CNTNAP2: variants seen among roughly 807,000 people sequenced by gnomAD.
The protein encoded by CNTNAP2 is contactin associated protein 2.
CNTNAP2 carries 98 observed loss-of-function variants against 155.2 expected under a neutral mutation model. That is an observed-to-expected ratio of 0.63 (90% CI 0.54 to 0.75). The LOEUF (loss-of-function observed/expected upper bound fraction) is 0.75. Ranked by LOEUF, CNTNAP2 falls within the 30% of genes least tolerant of loss-of-function variation. The probability of loss-of-function intolerance (pLI) is 0.00; values close to 1 mark genes in which losing one functional copy is unlikely to be tolerated. For synonymous variants in CNTNAP2, 651 were observed against 631.2 expected, an observed-to-expected ratio of 1.03 and a Z score of -0.47; for missense variants, 1,727 against 1,688.1, an observed-to-expected ratio of 1.02 and a Z score of -0.40.
intron 1 of CNTNAP2, among the ~76,000 whole-genome samples, chr7:146,183,410 C>G (rs1441703033): frequency 6.6e-6 from 1 of 151,926 alleles, no homozygotes; most frequent in Admixed American, 6.6e-5. Flanking sequence ...CCAGCATTTT[C>G]CCCCTGGTTT....
At position 147,128,855 on chromosome 7, in the gene CNTNAP2, A is replaced by C; in HGVS notation, c.1083+19A>C. On this transcript the variant is annotated intron_variant, in intron 7 of 23. Transcript: ENST00000361727. ...AAATGTGGTAAGGATTTTCACCCGC[A>C]AAATATTGGTCTATAAAATATCAAG... 6.2e-7 allele frequency: 1 copy of C among 1,613,860 alleles called. No homozygotes were observed. The highest frequency in any genetic ancestry group is 8.5e-7 in the Non-Finnish European group (1 of 1,179,776).
Position 147,132,327 on chromosome 7 carries a change from G to C in CNTNAP2, c.1166G>C (p.Arg389Pro). 6.2e-7 allele frequency: 1 copy of C among 1,613,616 alleles called. No homozygotes were observed. Among genetic ancestry groups the C allele is most frequent in the South Asian group, 1.1e-5 (1 of 91,060 alleles). ...ACAAGTTACCTGGAGGTGCCCGGAC[G>C]GCTTAACCAGGACCTGTTCTCAGTC... Reference protein sequence around the residue: ...NATSYLEVPGRLNQDLFSVSF... With the variant: ...NATSYLEVPGPLNQDLFSVSF... The change falls in exon 8 of 24, where the codon CGG becomes CCG. Residue 389 changes from arginine to proline, a missense_variant. Arg to Pro is a moderately radical substitution (Grantham distance 103, BLOSUM62 -2). Coordinates refer to ENST00000361727, the MANE Select transcript of CNTNAP2 (RefSeq NM_014141.6).
intron 3 of CNTNAP2, among the ~76,000 whole-genome samples, chr7:146,938,463 A>G (rs1328830599): frequency 1.3e-5 from 2 of 150,184 alleles, no homozygotes; most frequent in Admixed American, 6.7e-5. Context: ...ACACATATAT[A>G]TGTATATATA....
intron 3 of CNTNAP2, among the ~76,000 whole-genome samples, chr7:146,928,647 G>A (rs1035231567): frequency 4.6e-5 from 7 of 152,218 alleles, no homozygotes; most frequent in Non-Finnish European, 1.0e-4. Flanking sequence ...GCCTCACTCG[G>A]GAAGCACAAG....
chr7:148,206,383 T>G (rs1362151274), intron 18 of CNTNAP2, among the ~76,000 whole-genome samples: 1 of 151,520 alleles, frequency 6.6e-6, no homozygotes, highest in Non-Finnish European at 1.5e-5. Context: ...ACAAATATAG[T>G]GAAATGTTAA....
intron 15 of CNTNAP2, among the ~76,000 whole-genome samples, chr7:148,116,816 T>C (rs1467101126): frequency 6.6e-6 from 1 of 152,246 alleles, no homozygotes; most frequent in Non-Finnish European, 1.5e-5. Context: ...CATTTGTGTA[T>C]GAATAGAAAC....
At chr7:146,654,809 C>T (rs1006649877) in intron 1 of CNTNAP2, among the ~76,000 whole-genome samples, 1 of 152,006 alleles carries the variant, frequency 6.6e-6, no homozygotes, top group African/African-American at 2.4e-5. Context: ...AGTCATTTTT[C>T]ATGAGTTCTG....
At chr7:147,975,893 T>A (rs1801419156) in intron 14 of CNTNAP2, among the ~76,000 whole-genome samples, 2 of 152,292 alleles carry the variant, frequency 1.3e-5, no homozygotes, top group South Asian at 4.1e-4. Context: ...AATGGACAAT[T>A]ATGCCCCATT....
intron 9 of CNTNAP2, among the ~76,000 whole-genome samples, chr7:147,326,055 T>A (rs1158797226): frequency 6.6e-6 from 1 of 152,018 alleles, no homozygotes; most frequent in East Asian, 1.9e-4. Context: ...CCCCAGTAGC[T>A]GGGACGACAA....
chr7:146,788,114 C>T (rs530601461), intron 2 of CNTNAP2, among the ~76,000 whole-genome samples: 1 of 152,324 alleles, frequency 6.6e-6, no homozygotes, highest in East Asian at 1.9e-4. Context: ...CCAGGCACTC[C>T]AGCAGCCCAG....
intron 4 of CNTNAP2, among the ~76,000 whole-genome samples, chr7:147,092,587 T>C (rs574070935): frequency 7.8e-4 from 119 of 152,276 alleles, no homozygotes; most frequent in South Asian, 4.4e-3. Context: ...CAATAAAATA[T>C]TTGTTTTTAT....
Position 146,151,643 on chromosome 7 carries a change from T to TAA in CNTNAP2, c.97+34671_97+34672insAA, listed in dbSNP as rs201805465. Among the ~76,000 whole-genome samples, 119 of 19,464 alleles carry TAA rather than the reference T, an allele frequency of 6.1e-3. 3 individuals carry two copies. Among genetic ancestry groups the TAA allele is most frequent in the South Asian group, 0.041 (15 of 368 alleles). 12.8% of individuals were successfully genotyped at this position (19,464 alleles called of 152,430 possible). A position where few individuals can be genotyped will look rare whatever the true frequency, so the allele number is the denominator to read the frequency against. ...ATGGACAAAGAAAACGTGATATATA[T>TAA]ATATATATATATATATATATATATA... On this transcript the variant is annotated intron_variant, in intron 1 of 23. Transcript: ENST00000361727.
chr7:146,719,659 T>G (rs1801251633), intron 1 of CNTNAP2, among the ~76,000 whole-genome samples: 1 of 152,164 alleles, frequency 6.6e-6, no homozygotes, highest in African/African-American at 2.4e-5. Context: ...AAGGGATAAT[T>G]TGTTCGTCCT....
At chr7:147,223,731 A>G (rs1309555718) in intron 8 of CNTNAP2, among the ~76,000 whole-genome samples, 1 of 152,124 alleles carries the variant, frequency 6.6e-6, no homozygotes, top group Non-Finnish European at 1.5e-5. Context: ...TCATGAGGTC[A>G]GGAGATCGAG....
intron 1 of CNTNAP2, among the ~76,000 whole-genome samples, chr7:146,216,296 C>G (rs1799111822): frequency 6.6e-6 from 1 of 152,146 alleles, no homozygotes; most frequent in Non-Finnish European, 1.5e-5. Flanking sequence ...GAGTGGAGAA[C>G]AATCAGCGTC....
At chr7:146,365,447 A>T (rs2129101734) in intron 1 of CNTNAP2, among the ~76,000 whole-genome samples, 1 of 152,262 alleles carries the variant, frequency 6.6e-6, no homozygotes, top group African/African-American at 2.4e-5. Context: ...AAGCACTAAA[A>T]CACTTATAGT....
chr7:147,163,429 TTA>T (rs1439782453), intron 8 of CNTNAP2, among the ~76,000 whole-genome samples: 2 of 152,208 alleles, frequency 1.3e-5, no homozygotes, highest in Non-Finnish European at 2.9e-5. Context: ...TTTAAAATAT[TTA>T]TAACTACTTT....
At chr7:147,109,147 T>G (rs1800825671) in intron 5 of CNTNAP2, among the ~76,000 whole-genome samples, 1 of 152,192 alleles carries the variant, frequency 6.6e-6, no homozygotes, top group Non-Finnish European at 1.5e-5. Flanking sequence ...GTAAGAAGAA[T>G]TACTTGTGTA....
intron 6 of CNTNAP2, among the ~76,000 whole-genome samples, chr7:147,125,793 G>A (rs762955799): frequency 6.6e-6 from 1 of 152,198 alleles, no homozygotes; most frequent in Non-Finnish European, 1.5e-5. Context: ...TAGGGTTTAT[G>A]AGGAGGCAAC....
Sources: allele counts gnomAD v4.1 joint callset (sites outside exome capture counted in the v4.1 genomes callset), GRCh38; gene constraint gnomAD v4.1.1; transcripts MANE v1.5; gene names NCBI Gene and HGNC (gene_info 2026-07-23, HGNC 2026-07-21).